The following ACCSL variants were observed in gnomAD, a reference collection of about 807,000 sequenced individuals.
ACCSL encodes 1-aminocyclopropane-1-carboxylate synthase homolog (inactive) like.
Under a neutral mutation model 61.7 loss-of-function variants are expected in ACCSL, and 55 were observed. The ratio of observed to expected loss-of-function variants is 0.89; its 90% CI spans 0.72 to 1.12. ACCSL has a LOEUF of 1.12. Among genes scored for constraint, ACCSL ranks in the 50% most tolerant of loss-of-function variants. The pLI is 0.00. For missense variants in ACCSL, 632 were observed against 698.0 expected, an observed-to-expected ratio of 0.91 and a Z score of 1.07; for synonymous variants, 258 against 264.3, an observed-to-expected ratio of 0.98 and a Z score of 0.23.
chr11:43,929,899 C>T, the ACCSL span, among the ~76,000 whole-genome samples: 3 of 151,918 alleles, frequency 2.0e-5, no homozygotes, highest in South Asian at 2.1e-4. Flanking sequence ...TCTGTGTAGA[C>T]GTGTTGAGAG....
chr11:43,943,780 G>C, the ACCSL span: 1 of 1,304,072 alleles, frequency 7.7e-7, no homozygotes, highest in East Asian at 5.6e-5. The surrounding 1 kb of genome is among the most constrained non-coding windows in gnomAD (Gnocchi z 4.8). Flanking sequence ...ATTTATTTTT[G>C]CATTGCGATG....
the ACCSL span, among the ~76,000 whole-genome samples, chr11:43,975,586 ATTTGTGTGTGTGAC>A: frequency 6.6e-6 from 1 of 152,204 alleles, no homozygotes; most frequent in Non-Finnish European, 1.5e-5. Context: ...TTTATCTCAG[ATTTGTGTGTGTGAC>A]TTTGTGTGAT....
rs1952697090 is a variant in ACCSL at position 44,059,886 on chromosome 11, T to C, written c.1673T>C (p.Ile558Thr). Residue 558 changes from isoleucine to threonine, a missense_variant, in exon 14 of 14, where the codon ATA (isoleucine) becomes ACA (threonine). Coordinates refer to ENST00000378832, the MANE Select transcript of ACCSL (RefSeq NM_001031854.2). ...CTGCAGGAGCAGAAGGAGGCTTTGATAGTGAAGCAGTTGGAGGATGCAATG... is the reference window on the plus strand; with the variant it reads ...CTGCAGGAGCAGAAGGAGGCTTTGACAGTGAAGCAGTTGGAGGATGCAATG... The part of the protein sequence containing the change: ...DVLQEQKEAL[I>T]VKQLEDAMRE The C allele has an allele frequency of 3.7e-6, 6 of 1,613,872 alleles. No homozygotes were observed. Among genetic ancestry groups the C allele is most frequent in the Admixed American group, 1.7e-5 (1 of 60,012 alleles).
At chr11:43,962,470 C>T in the ACCSL span, among the ~76,000 whole-genome samples, 1 of 152,198 alleles carries the variant, frequency 6.6e-6, no homozygotes, top group African/African-American at 2.4e-5. Flanking sequence ...AAGGAAAAGG[C>T]AAGTGTCTAG....
the ACCSL span, among the ~76,000 whole-genome samples, chr11:43,986,835 G>A: frequency 0.14 from 20,743 of 152,040 alleles, 1,528 homozygotes; most frequent in Non-Finnish European, 0.17. Flanking sequence ...CAGGGTTTGC[G>A]GTGCAAATTC....
chr11:43,934,543 G>C, the ACCSL span, among the ~76,000 whole-genome samples: 5 of 151,488 alleles, frequency 3.3e-5, no homozygotes, highest in African/African-American at 1.2e-4. Flanking sequence ...AAGTGTAGAT[G>C]GACCCAAACA....
the ACCSL span, among the ~76,000 whole-genome samples, chr11:43,934,354 C>CGG: frequency 1.3e-5 from 2 of 152,148 alleles, no homozygotes; most frequent in African/African-American, 4.8e-5. Context: ...AGGTGAGGGC[C>CGG]GGGACAGGGG....
chr11:44,000,621 C>T, the ACCSL span, among the ~76,000 whole-genome samples: 1 of 147,962 alleles, frequency 6.8e-6, no homozygotes, highest in Non-Finnish European at 1.5e-5. Flanking sequence ...GCCCAGCCCC[C>T]TGTCTCTATT....
the ACCSL span, among the ~76,000 whole-genome samples, chr11:43,940,072 C>T: frequency 6.6e-6 from 1 of 152,218 alleles, no homozygotes; most frequent in Non-Finnish European, 1.5e-5. Context: ...TAATATTCTT[C>T]CAAGAGAGCT....
chr11:44,011,198 T>C, the ACCSL span, among the ~76,000 whole-genome samples: 3 of 152,056 alleles, frequency 2.0e-5, no homozygotes, highest in African/African-American at 7.2e-5. Context: ...TACCTTCATT[T>C]CCCACCTGGA....
chr11:43,984,968 A>C, the ACCSL span, among the ~76,000 whole-genome samples: 1 of 152,246 alleles, frequency 6.6e-6, no homozygotes, highest in Non-Finnish European at 1.5e-5. Flanking sequence ...GGGGACCTTC[A>C]TATCACAGCC....
upstream of ACCSL, among the ~76,000 whole-genome samples, chr11:44,047,601 A>C (rs929444413): frequency 6.6e-6 from 1 of 152,224 alleles, no homozygotes; most frequent in Non-Finnish European, 1.5e-5. Context: ...CTCAGGCATT[A>C]GTTTATTCTA....
At chr11:43,936,917 G>A in the ACCSL span, among the ~76,000 whole-genome samples, 1 of 152,108 alleles carries the variant, frequency 6.6e-6, no homozygotes, top group East Asian at 1.9e-4. Context: ...GGCCCTCAGT[G>A]AGCAGGGCCC....
the ACCSL span, among the ~76,000 whole-genome samples, chr11:43,975,884 C>T: frequency 6.6e-6 from 1 of 152,124 alleles, no homozygotes; most frequent in African/African-American, 2.4e-5. Context: ...GAGTCTTAAT[C>T]AAGGAACCTA....
chr11:44,001,871 A>G, the ACCSL span, among the ~76,000 whole-genome samples: 1 of 145,434 alleles, frequency 6.9e-6, no homozygotes, highest in Non-Finnish European at 1.5e-5. Flanking sequence ...TTCCTCCCCA[A>G]AGTGGTTGAA....
chr11:44,051,445 G>T, intron 4 of ACCSL, 41 bp downstream of exon 4: 5 of 1,609,354 alleles, frequency 3.1e-6, no homozygotes, highest in Non-Finnish European at 4.3e-6. Context: ...CTGGTGGAGG[G>T]CTATATTCTT....
the ACCSL span, among the ~76,000 whole-genome samples, chr11:43,930,621 A>G: frequency 6.6e-6 from 1 of 152,148 alleles, no homozygotes; most frequent in Non-Finnish European, 1.5e-5. Flanking sequence ...GCTTCACCAG[A>G]GCCAAGCAGA....
intron 13 of ACCSL, among the ~76,000 whole-genome samples, chr11:44,058,988 A>T (rs1952689771): frequency 1.3e-5 from 2 of 152,116 alleles, no homozygotes; most frequent in Non-Finnish European, 2.9e-5. Context: ...TATGCCTGTA[A>T]TCCCAGCACT....
the ACCSL span, among the ~76,000 whole-genome samples, chr11:43,966,767 A>C: frequency 2.0e-5 from 3 of 151,858 alleles, no homozygotes; most frequent in African/African-American, 4.8e-5. Context: ...TGGCCTGGCT[A>C]CTCATCTGAT....
Sources: gnomAD v4.1 joint callset for allele counts (sites outside exome capture counted in the v4.1 genomes callset) on GRCh38, gnomAD v4.1.1 for gene constraint, Gnocchi (gnomAD v3.1) non-coding constraint, MANE v1.5 for transcripts, NCBI Gene and HGNC (gene_info 2026-07-23, HGNC 2026-07-21) for gene names.